ERAP1: variants seen among roughly 807,000 people sequenced by gnomAD.
ERAP1 encodes adipocyte-derived leucine aminopeptidase.
In ERAP1, 86 loss-of-function variants were observed where a neutral mutation model predicts 103.7. That is an observed-to-expected ratio of 0.83 (90% CI 0.70 to 0.99). The LOEUF (loss-of-function observed/expected upper bound fraction) is 0.99, where lower values mean the gene tolerates loss of function less well. Among genes scored for constraint, ERAP1 ranks in the 50% least tolerant of loss-of-function variants. The pLI is 0.00. For synonymous variants in ERAP1, 398 were observed against 402.4 expected (o/e 0.99, Z 0.13); for missense variants, 1,009 against 1,128.4 (o/e 0.89, Z 1.52).
the ERAP1 span, among the ~76,000 whole-genome samples, chr5:96,929,994 A>G: frequency 6.6e-6 from 1 of 152,236 alleles, no homozygotes; most frequent in Non-Finnish European, 1.5e-5. Context: ...AAGCCTCCCA[A>G]GTGACTGAAC....
chr5:96,790,262 G>A, intron 10 of ERAP1, 34 bp downstream of exon 10: 1 of 1,595,040 alleles, frequency 6.3e-7, no homozygotes, highest in Non-Finnish European at 8.6e-7. Context: ...AAAAGAATGT[G>A]CTTGGGGGAA....
the ERAP1 span, chr5:96,889,508 T>C: frequency 4.2e-6 from 3 of 706,114 alleles, no homozygotes; most frequent in South Asian, 3.3e-5. Context: ...GGATCATTTC[T>C]CTATTCTTTT....
the ERAP1 span, among the ~76,000 whole-genome samples, chr5:96,831,843 A>G: frequency 2.0e-5 from 3 of 152,238 alleles, no homozygotes; most frequent in Non-Finnish European, 2.9e-5. Flanking sequence ...TGCCTTGCCC[A>G]TTGCAGACTT....
chr5:96,896,227 G>A, the ERAP1 span: 10 of 583,876 alleles, frequency 1.7e-5, no homozygotes, highest in African/African-American at 3.9e-5. Flanking sequence ...TGGCCAAAGG[G>A]GAATACATAC....
At chr5:96,890,533 A>T in the ERAP1 span, among the ~76,000 whole-genome samples, 1 of 152,222 alleles carries the variant, frequency 6.6e-6, no homozygotes, top group African/African-American at 2.4e-5. Context: ...AAAACTGAAG[A>T]AAGTTTCATA....
At chr5:96,901,278 A>G in the ERAP1 span, among the ~76,000 whole-genome samples, 1 of 152,044 alleles carries the variant, frequency 6.6e-6, no homozygotes, top group Non-Finnish European at 1.5e-5. Flanking sequence ...CCATGTATTC[A>G]CCCTACTATA....
At chr5:96,787,815 C>CAT (rs1190856289) in intron 11 of ERAP1, among the ~76,000 whole-genome samples, 6 of 85,390 alleles carry the variant, frequency 7.0e-5, no homozygotes, top group Non-Finnish European at 1.5e-4. Context: ...TATATATATA[C>CAT]ACATATATAT....
Position 96,775,239 on chromosome 5 carries a change from A to C in ERAP1, c.*1157T>G. On this transcript the variant is annotated 3_prime_UTR_variant, in exon 19 of 19. Coordinates refer to ENST00000443439, the MANE Select transcript of ERAP1 (RefSeq NM_001040458.3). ...AAACCTGAGCAGCAACTGTGTGCTG[A>C]AGCAACCGTGTGTGAAGTCTTCACA... is the stretch of plus-strand genomic sequence containing the variant. 1 of 977,014 alleles carries C rather than the reference A, an allele frequency of 1.0e-6. No homozygotes were observed. The highest frequency in any genetic ancestry group is 1.2e-6 in the Non-Finnish European group (1 of 827,622). The allele number at this position is 977,014 out of a possible 1,614,324, so 60.5% of individuals were successfully genotyped here.
chr5:96,891,807 T>C, the ERAP1 span, among the ~76,000 whole-genome samples: 1 of 152,092 alleles, frequency 6.6e-6, no homozygotes, highest in African/African-American at 2.4e-5. Context: ...AATCGAAATA[T>C]TGACTATAGA....
At chr5:96,884,062 CT>C in the ERAP1 span, 877 of 649,788 alleles carry the variant, frequency 1.3e-3, 6 homozygotes, top group African/African-American at 0.015. Context: ...ATCTATCTAT[CT>C]ATCTATCTAT....
At chr5:96,848,000 A>G in the ERAP1 span, among the ~76,000 whole-genome samples, 2 of 117,150 alleles carry the variant, frequency 1.7e-5, no homozygotes, top group Non-Finnish European at 3.9e-5. Context: ...TAGAGACTAG[A>G]AAAACAAAAA....
chr5:96,781,832 C>T lies in ERAP1; in HGVS notation c.2308G>A (p.Ala770Thr). The change falls in exon 16 of 19, where the codon GCA (alanine) becomes ACA (threonine). Residue 770 changes from alanine (A) to threonine (T), a missense_variant. By Grantham distance (58) the Ala-to-Thr change is moderately conservative (BLOSUM62 0). Coordinates refer to ENST00000443439, the MANE Select transcript of ERAP1 (RefSeq NM_001040458.3). Reference protein sequence around the residue: ...NLSLPVDVTLAVFAVGAQSTE... With the variant: ...NLSLPVDVTLTVFAVGAQSTE... ...CTCTGGGCCCCCACAGCAAACACTG[C>T]CAAGGTCACGTCGACAGGCAGGCTA... 1 of 1,613,970 alleles carries T rather than the reference C, an allele frequency of 6.2e-7. No individual in the cohort carries two copies. Among genetic ancestry groups the T allele is most frequent in the Non-Finnish European group, 8.5e-7 (1 of 1,180,006 alleles).
At chr5:96,771,760 T>A, downstream of ERAP1, 1 of 1,089,466 alleles carries the variant, frequency 9.2e-7, no homozygotes, top group Non-Finnish European at 1.4e-6. Flanking sequence ...AATTTATGTG[T>A]TATAGATGAG....
intron 5 of ERAP1, 93 bp downstream of exon 5, chr5:96,794,949 G>A: frequency 2.7e-6 from 4 of 1,481,772 alleles, no homozygotes; most frequent in East Asian, 4.9e-5. Flanking sequence ...TTGAGGGGCT[G>A]CTGAGGCAAC....
chr5:96,826,620 T>G, the ERAP1 span, among the ~76,000 whole-genome samples: 1 of 152,156 alleles, frequency 6.6e-6, no homozygotes, highest in Non-Finnish European at 1.5e-5. Flanking sequence ...CAGTATGGTG[T>G]TTTTTAGACA....
At chr5:96,818,293 A>G in the ERAP1 span, among the ~76,000 whole-genome samples, 1 of 152,132 alleles carries the variant, frequency 6.6e-6, no homozygotes, top group Admixed American at 6.5e-5. Flanking sequence ...ATGAATAATC[A>G]CACTGCTCAG....
At chr5:96,923,607 T>C in the ERAP1 span, among the ~76,000 whole-genome samples, 2 of 148,750 alleles carry the variant, frequency 1.3e-5, no homozygotes, top group Admixed American at 1.4e-4. Flanking sequence ...GGCAGGAGAC[T>C]GGCGGGAACC....
At chr5:96,831,560 A>T in the ERAP1 span, among the ~76,000 whole-genome samples, 2 of 152,246 alleles carry the variant, frequency 1.3e-5, no homozygotes, top group Admixed American at 6.5e-5. Context: ...GCCAACCTGC[A>T]GTTTGTGCAA....
At chr5:96,913,038 T>G in the ERAP1 span, among the ~76,000 whole-genome samples, 2 of 152,224 alleles carry the variant, frequency 1.3e-5, no homozygotes, top group Admixed American at 6.5e-5. Context: ...CTTCAGAAAC[T>G]TGAAGAAAAA....
Sources: allele counts gnomAD v4.1 joint callset (sites outside exome capture counted in the v4.1 genomes callset), GRCh38; gene constraint gnomAD v4.1.1; transcripts MANE v1.5; gene names NCBI Gene and HGNC (gene_info 2026-07-23, HGNC 2026-07-21).